The following LYPD6B variants were observed in gnomAD, a reference collection of about 807,000 sequenced individuals.
LYPD6B encodes the protein LY6/PLAUR domain containing 6B, also known as ly6/PLAUR domain-containing protein 6B.
In LYPD6B, 17 loss-of-function variants were observed where a neutral mutation model predicts 22.8. That is an observed-to-expected ratio of 0.75 (90% confidence interval 0.51 to 1.12). LYPD6B has a LOEUF of 1.12. Among genes scored for constraint, LYPD6B ranks in the 50% most tolerant of loss-of-function variants. LYPD6B has a pLI of 0.00. For synonymous variants in LYPD6B, 106 were observed against 91.6 expected (o/e 1.16, Z -0.90); for missense variants, 221 against 258.3 (o/e 0.86, Z 0.99).
At chr2:149,149,417 T>TACAC (rs35899556) in intron 2 of LYPD6B, among the ~76,000 whole-genome samples, 2 of 151,298 alleles carry the variant, frequency 1.3e-5, no homozygotes, top group African/African-American at 4.9e-5. Context: ...ACTCAAATCC[T>TACAC]ACACACACAC....
intron 2 of LYPD6B, among the ~76,000 whole-genome samples, chr2:149,153,845 C>T (rs926672012): frequency 6.6e-6 from 1 of 151,790 alleles, no homozygotes; most frequent in East Asian, 1.9e-4. Flanking sequence ...CCAGGGTGAT[C>T]GTGACGGCAG....
Position 149,214,676 on chromosome 2 carries a change from T to G in LYPD6B, c.590T>G (p.Val197Gly), listed in dbSNP as rs1242279138. ...GSSAPTLYLP[V>G]LAWVFVLPLL ...AGTGCCCCCACACTCTACCTACCAG[T>G]GCTTGCCTGGGTCTTTGTGCTTCCA... Residue 197 changes from valine to glycine, a missense_variant, in exon 7 of 7, where the codon GTG becomes GGG. Transcript: ENST00000409642. The G allele has an allele frequency of 1.9e-6, 3 of 1,613,986 alleles. No homozygotes were observed. The highest frequency in any genetic ancestry group is 2.5e-6 in the Non-Finnish European group (3 of 1,179,862).
chr2:149,077,136 G>A (rs1031744912), intron 1 of LYPD6B, among the ~76,000 whole-genome samples: 14 of 152,360 alleles, frequency 9.2e-5, no homozygotes, highest in African/African-American at 3.1e-4. Context: ...TTGGTGACCA[G>A]TGGCCTGTAA....
chr2:149,089,956 T>G (rs989815416), intron 1 of LYPD6B, among the ~76,000 whole-genome samples: 1 of 152,230 alleles, frequency 6.6e-6, no homozygotes, highest in African/African-American at 2.4e-5. Flanking sequence ...ATCTTGGCCC[T>G]CTGTGCTCAG....
chr2:149,041,085 C>T (rs1253726125), intron 1 of LYPD6B, among the ~76,000 whole-genome samples: 3 of 129,450 alleles, frequency 2.3e-5, no homozygotes, highest in Non-Finnish European at 3.1e-5. Context: ...GGCAGCAGAG[C>T]AAGACTCCGT....
At chr2:149,201,882 T>G (rs1294049763) in intron 3 of LYPD6B, among the ~76,000 whole-genome samples, 4 of 152,338 alleles carry the variant, frequency 2.6e-5, no homozygotes, top group African/African-American at 9.6e-5. Context: ...GGAAGTTTTT[T>G]GAGAGGATGC....
intron 1 of LYPD6B, among the ~76,000 whole-genome samples, chr2:149,093,599 G>C (rs1279174696): frequency 6.6e-6 from 1 of 152,132 alleles, no homozygotes. Flanking sequence ...AGCTGTACTT[G>C]TTCACTATCT....
At position 149,213,140 on chromosome 2, in the gene LYPD6B, G is replaced by A. The variant is rs1239457447; in HGVS notation, c.459+18G>A. The A allele has an allele frequency of 6.2e-7, 1 of 1,613,208 alleles. No homozygotes were observed. The highest frequency in any genetic ancestry group is 2.2e-5 in the East Asian group (1 of 44,866). On this transcript the variant is annotated intron_variant, in intron 6 of 6. Coordinates refer to ENST00000409642, the MANE Select transcript of LYPD6B (RefSeq NM_177964.5). The stretch of plus-strand genomic sequence containing the variant: ...AACATACGGTAAGGATCGTGTGTGT[G>A]TGTTATTGTCTAAACTTTCATCCTA...
intron 1 of LYPD6B, among the ~76,000 whole-genome samples, chr2:149,066,736 T>TTC (rs1292761717): frequency 6.6e-6 from 1 of 151,996 alleles, no homozygotes; most frequent in Non-Finnish European, 1.5e-5. Flanking sequence ...CCCTCCAACA[T>TTC]TCTCCCTTCT....
intron 5 of LYPD6B, 108 bp downstream of exon 5, chr2:149,208,520 G>A (rs538297492): frequency 1.2e-4 from 108 of 874,504 alleles, no homozygotes; most frequent in African/African-American, 4.7e-4. Context: ...GAGACTATCC[G>A]GACATCAGAC....
At position 149,188,743 on chromosome 2, in the gene LYPD6B, C is replaced by T. The variant is rs148110057; in HGVS notation, c.78-16510C>T. 5.9e-4 allele frequency: 537 copies of T among 909,138 alleles called. 3 individuals carry two copies. The African/African-American group carries it at 9.2e-3, about 16-fold the overall frequency. The allele number at this position is 909,138 out of a possible 1,614,324, so 56.3% of individuals were successfully genotyped here. The stretch of plus-strand genomic sequence containing the variant: ...CTGGCTCCAGAGAGGTAGTTTTAAA[C>T]ATACTTACCTCTAAGATGTTTCATG... On this transcript the variant is annotated intron_variant, in intron 3 of 6. Coordinates refer to ENST00000409642, the MANE Select transcript of LYPD6B (RefSeq NM_177964.5).
At chr2:149,128,554 A>G (rs74889724) in intron 1 of LYPD6B, among the ~76,000 whole-genome samples, 254 of 152,340 alleles carry the variant, frequency 1.7e-3, no homozygotes, top group African/African-American at 5.9e-3. Flanking sequence ...GGTGTTAATC[A>G]AGACAGTCTT....
intron 3 of LYPD6B, among the ~76,000 whole-genome samples, chr2:149,190,627 T>G (rs1692428889): frequency 6.6e-6 from 1 of 152,230 alleles, no homozygotes; most frequent in African/African-American, 2.4e-5. Flanking sequence ...AGTACAATTT[T>G]CATTTTCATT....
At chr2:149,169,022 C>T (rs932174225) in intron 3 of LYPD6B, among the ~76,000 whole-genome samples, 7 of 152,288 alleles carry the variant, frequency 4.6e-5, no homozygotes, top group Admixed American at 1.3e-4. Context: ...AATAGTGCTT[C>T]ATTTGTAATT....
At chr2:149,113,807 G>A (rs1386419220) in intron 1 of LYPD6B, among the ~76,000 whole-genome samples, 2 of 152,166 alleles carry the variant, frequency 1.3e-5, no homozygotes, top group African/African-American at 4.8e-5. Flanking sequence ...CAAAAACTGA[G>A]TTCAGTTGGC....
intron 1 of LYPD6B, among the ~76,000 whole-genome samples, chr2:149,117,262 G>T (rs1687052821): frequency 6.7e-6 from 1 of 148,836 alleles, no homozygotes; most frequent in Admixed American, 6.6e-5. Flanking sequence ...AATCATATAT[G>T]TCATTCATCT....
At chr2:149,113,545 C>A (rs540696257) in intron 1 of LYPD6B, among the ~76,000 whole-genome samples, 10 of 152,028 alleles carry the variant, frequency 6.6e-5, no homozygotes, top group African/African-American at 2.4e-4. Context: ...TTCATATATA[C>A]CAGGGGGAAC....
At chr2:149,079,005 C>CTT (rs201949554) in intron 1 of LYPD6B, among the ~76,000 whole-genome samples, 4 of 129,600 alleles carry the variant, frequency 3.1e-5, no homozygotes, top group African/African-American at 8.4e-5. Flanking sequence ...GAGATCCTGT[C>CTT]TTTTTTTTTT....
chr2:149,212,727 T>C (rs1193374605), intron 5 of LYPD6B, among the ~76,000 whole-genome samples: 1 of 152,192 alleles, frequency 6.6e-6, no homozygotes, highest in African/African-American at 2.4e-5. Context: ...GCTTGCAGTT[T>C]TTCCTCAGCT....
Sources: allele counts gnomAD v4.1 joint callset (sites outside exome capture counted in the v4.1 genomes callset), GRCh38; gene constraint gnomAD v4.1.1; transcripts MANE v1.5; gene names NCBI Gene and HGNC (gene_info 2026-07-23, HGNC 2026-07-21).